The following MICAL2 variants were observed in gnomAD, a reference collection of about 807,000 sequenced individuals.
MICAL2 encodes the protein [F-actin]-monooxygenase MICAL2.
Under a neutral mutation model 127.3 loss-of-function variants are expected in MICAL2, and 77 were observed. That is an observed-to-expected ratio of 0.60 (90% CI 0.50 to 0.73). MICAL2 has a LOEUF of 0.73. Among genes scored for constraint, MICAL2 ranks in the 30% least tolerant of loss-of-function variants. MICAL2 has a pLI of 0.00. For missense variants in MICAL2, 1,351 were observed against 1,434.4 expected (o/e 0.94, Z 0.94); for synonymous variants, 570 against 551.1 (o/e 1.03, Z -0.48).
rs890219302 is a variant in MICAL2, at chr11:12,337,741, A to C, written c.5515+10475A>C. On this transcript the variant is annotated intron_variant, in intron 32 of 34. Transcript: ENST00000646065. ...GTAGTCATTCAGGAGCAGGTTGTTC[A>C]GTTTCCATGTAGTTGAGTGGTTTTG... Among the ~76,000 whole-genome samples the C allele has an allele frequency of 5.7e-4, 86 of 152,000 alleles. 1 individual carries two copies. The highest frequency in any genetic ancestry group is 1.1e-3 in the Non-Finnish European group (78 of 68,002).
chr11:12,293,673 A>G (rs768146626), downstream of MICAL2: 8 of 1,613,984 alleles, frequency 5.0e-6, no homozygotes, highest in Middle Eastern at 8.2e-4. Flanking sequence ...ATTCCCCTGT[A>G]TCTGCCTCAT....
chr11:12,252,145 A>C (rs979962488), intron 22 of MICAL2, among the ~76,000 whole-genome samples: 1 of 152,172 alleles, frequency 6.6e-6, no homozygotes, highest in South Asian at 2.1e-4. Flanking sequence ...TATAGCCCCT[A>C]TCTGAGGGGC....
At chr11:12,282,976 A>G (rs999763969) in intron 2 of MICAL2, among the ~76,000 whole-genome samples, 1 of 152,234 alleles carries the variant, frequency 6.6e-6, no homozygotes, top group African/African-American at 2.4e-5. Context: ...AAGCCAAAGC[A>G]TTTTGTTTCT....
intron 32 of MICAL2, among the ~76,000 whole-genome samples, chr11:12,346,801 G>T (rs1938962450): frequency 6.6e-6 from 1 of 152,210 alleles, no homozygotes; most frequent in Non-Finnish European, 1.5e-5. Flanking sequence ...ACAATGCATA[G>T]AAGATGTTGG....
chr11:12,206,418 C>G (rs552710892), intron 4 of MICAL2, among the ~76,000 whole-genome samples: 16 of 152,308 alleles, frequency 1.1e-4, no homozygotes, highest in African/African-American at 3.9e-4. Flanking sequence ...AGCTCCAGTA[C>G]TTGTGAGAAA....
At chr11:12,360,121 A>T (rs1167729169), downstream of MICAL2, among the ~76,000 whole-genome samples, 22 of 141,818 alleles carry the variant, frequency 1.6e-4, no homozygotes, top group African/African-American at 6.4e-4. Context: ...TTTTTTTTTA[A>T]AAAAAAAATA....
intron 16 of MICAL2, 143 bp from the exon 17 acceptor site, chr11:12,239,293 C>T: frequency 9.1e-7 from 1 of 1,099,858 alleles, no homozygotes; most frequent in Non-Finnish European, 1.4e-6. Context: ...CGGGGGTGGC[C>T]CTGCTGCCTC....
chr11:12,166,800 G>A (rs1047767533), intron 3 of MICAL2, among the ~76,000 whole-genome samples: 2 of 152,048 alleles, frequency 1.3e-5, no homozygotes, highest in Non-Finnish European at 2.9e-5. Flanking sequence ...TGTGACAGGG[G>A]TAGTCTGGGA....
At chr11:12,316,588 C>G (rs1864233927) in intron 29 of MICAL2, among the ~76,000 whole-genome samples, 1 of 151,926 alleles carries the variant, frequency 6.6e-6, no homozygotes, top group Non-Finnish European at 1.5e-5. Flanking sequence ...ATAGCTATTT[C>G]AAAATTCTCA....
intron 3 of MICAL2, among the ~76,000 whole-genome samples, chr11:12,184,535 C>A (rs11022232): frequency 6.6e-6 from 1 of 151,958 alleles, no homozygotes; most frequent in African/African-American, 2.4e-5. Flanking sequence ...TCTGTCCCAG[C>A]GAATGTCTGA....
chr11:12,224,731 C>A lies in MICAL2; in HGVS notation c.1599C>A (p.Tyr533Ter). The change falls in exon 13 of 28, where the codon TAC becomes TAA. Residue 533 changes from tyrosine (Y) to a stop codon, truncating the protein, a stop_gained. Transcript: ENST00000683283. LOFTEE classifies it high-confidence loss of function. The part of the protein sequence containing the change: ...LTWCQQQTEG[Y>*]QHVNVTDLTT... ...GGTGCCAGCAGCAGACAGAGGGCTA[C>A]CAGCATGTCAACGTCACCGACCTGA... The A allele has an allele frequency of 6.2e-7, 1 of 1,614,204 alleles. No homozygotes were observed. Among genetic ancestry groups the A allele is most frequent in the Non-Finnish European group, 8.5e-7 (1 of 1,180,032 alleles).
intron 3 of MICAL2, among the ~76,000 whole-genome samples, chr11:12,167,661 ACT>A (rs1471779755): frequency 1.3e-5 from 2 of 152,010 alleles, no homozygotes; most frequent in Non-Finnish European, 2.9e-5. Flanking sequence ...GGGGTGTGAA[ACT>A]CTGTGCGAGT....
intron 3 of MICAL2, among the ~76,000 whole-genome samples, chr11:12,194,483 G>T (rs766444183): frequency 6.6e-6 from 1 of 152,162 alleles, no homozygotes. Context: ...GAAATGAACT[G>T]CTCTATTTCC....
At chr11:12,293,706 A>G (rs751669935), downstream of MICAL2, 4 of 1,614,092 alleles carry the variant, frequency 2.5e-6, no homozygotes, top group Admixed American at 6.7e-5. Flanking sequence ...GAGTGGGCAG[A>G]GTACTGCCTG....
chr11:12,134,411 C>T (rs920727087), intron 1 of MICAL2, among the ~76,000 whole-genome samples: 2 of 152,188 alleles, frequency 1.3e-5, no homozygotes, highest in African/African-American at 2.4e-5. Context: ...TCTGAGGCTC[C>T]GTTCTCAACC....
Position 12,159,260 on chromosome 11 carries a change from C to A in MICAL2, c.-77-2819C>A, listed in dbSNP as rs566021063. ...GCCATTGATTGGGGTGCGGAGGAGA[C>A]AGCTTCTTCCAGTTTGTAAATTATT... is the stretch of plus-strand genomic sequence containing the variant. On this transcript the variant is annotated intron_variant, in intron 2 of 27. Transcript: ENST00000683283. Among the ~76,000 whole-genome samples, 253 of 152,334 alleles carry A rather than the reference C, an allele frequency of 1.7e-3. 2 individuals are homozygous for A. The highest frequency in any genetic ancestry group is 2.8e-3 in the Non-Finnish European group (193 of 68,044).
At chr11:12,309,049 T>C (rs1469837831) in intron 29 of MICAL2, among the ~76,000 whole-genome samples, 1 of 152,202 alleles carries the variant, frequency 6.6e-6, no homozygotes, top group East Asian at 1.9e-4. Flanking sequence ...TTTTTGTATT[T>C]TTTACTTGAT....
At chr11:12,204,568 C>A in intron 4 of MICAL2, 111 bp downstream of exon 4, 1 of 1,036,812 alleles carries the variant, frequency 9.6e-7, no homozygotes, top group Non-Finnish European at 1.4e-6. Context: ...TCCCTGGGGG[C>A]ACCATATATC....
At chr11:12,330,558 G>C (rs868455870) in intron 32 of MICAL2, among the ~76,000 whole-genome samples, 4 of 152,036 alleles carry the variant, frequency 2.6e-5, no homozygotes, top group South Asian at 4.2e-4. Flanking sequence ...AGGAACATGC[G>C]GGGGTGCGGG....
Sources: allele counts gnomAD v4.1 joint callset (sites outside exome capture counted in the v4.1 genomes callset), GRCh38; gene constraint gnomAD v4.1.1; transcripts MANE v1.5; gene names NCBI Gene and HGNC (gene_info 2026-07-23, HGNC 2026-07-21).